The following ATIC variants were observed in gnomAD, a reference collection of about 807,000 sequenced individuals.
ATIC encodes bifunctional purine biosynthesis protein ATIC.
ATIC carries 64 observed loss-of-function variants against 72.5 expected under a neutral mutation model. The ratio of observed to expected loss-of-function variants is 0.88; its 90% confidence interval spans 0.72 to 1.09. ATIC has a LOEUF of 1.09. Among genes scored for constraint, ATIC ranks in the 50% least tolerant of loss-of-function variants. ATIC has a pLI of 0.00. For synonymous variants in ATIC, 281 were observed against 267.1 expected, an observed-to-expected ratio of 1.05 and a Z score of -0.51; for missense variants, 787 against 732.4, an observed-to-expected ratio of 1.07 and a Z score of -0.86.
In ATIC at chr2:215,326,066, G is replaced by C. The variant is rs186545891; in HGVS notation, c.459G>C (p.Val153=). The C allele has an allele frequency of 2.5e-6, 4 of 1,614,120 alleles. No individual in the cohort carries two copies. The highest frequency in any genetic ancestry group is 3.4e-6 in the Non-Finnish European group (4 of 1,180,018). ...TVVCEPEDYV[V]VSTEMQSSES... ...TGTGTGAACCAGAGGACTATGTGGT[G>C]GTGTCCACGGAGATGCAGAGCTCCG... Residue 153 remains valine (V), a synonymous_variant, in exon 6 of 16, where the codon GTG becomes GTC. Coordinates refer to ENST00000236959, the MANE Select transcript of ATIC (RefSeq NM_004044.7).
At chr2:215,335,096 A>G in intron 10 of ATIC, 92 bp downstream of exon 10, 1 of 685,264 alleles carries the variant, frequency 1.5e-6, no homozygotes, top group Non-Finnish European at 2.2e-6. Context: ...TAATATTTAT[A>G]TTTATAATAT....
At chr2:215,331,381 G>GTTTTTT (rs66928848) in intron 7 of ATIC, among the ~76,000 whole-genome samples, 1 of 117,516 alleles carries the variant, frequency 8.5e-6, no homozygotes, top group Non-Finnish European at 1.7e-5. Flanking sequence ...TGTTTTTTGG[G>GTTTTTT]TTTTTTTTTT....
chr2:215,351,348 A>G (rs535876016), downstream of ATIC, among the ~76,000 whole-genome samples: 4 of 152,224 alleles, frequency 2.6e-5, no homozygotes, highest in Admixed American at 6.5e-5. Flanking sequence ...GTTAAGCCAC[A>G]AAGTTCTGGG....
intron 14 of ATIC, chr2:215,347,675 AGTCCTT>A: frequency 2.1e-6 from 1 of 485,586 alleles, no homozygotes; most frequent in Non-Finnish European, 4.1e-6. Context: ...ATGTAACTGA[AGTCCTT>A]AAGATATCTT....
chr2:215,326,809 AC>A lies in ATIC; in HGVS notation c.532-12del, dbSNP rs762963775. The A allele has an allele frequency of 3.7e-6, 6 of 1,613,828 alleles. No individual in the cohort carries two copies. Among genetic ancestry groups the A allele is most frequent in the Non-Finnish European group, 4.2e-6 (5 of 1,179,970 alleles). On this transcript the variant is annotated splice_polypyrimidine_tract_variant and intron_variant, in intron 6 of 15. Coordinates refer to ENST00000236959, the MANE Select transcript of ATIC (RefSeq NM_004044.7). ...GTGCTGCTCGTGTCTCACAAAACTT[AC>A]GCTTTTTGTAGGCATTCACTCATAC...
downstream of ATIC, among the ~76,000 whole-genome samples, chr2:215,352,031 A>G (rs535926308): frequency 1.8e-4 from 27 of 152,334 alleles, no homozygotes; most frequent in East Asian, 5.0e-3. Context: ...AAGATCATCA[A>G]AAAGAGAAGC....
At chr2:215,312,182 C>G (rs776300466) in intron 1 of ATIC, 21 bp downstream of exon 1, 2 of 1,500,638 alleles carry the variant, frequency 1.3e-6, no homozygotes, top group African/African-American at 2.9e-5. Flanking sequence ...AGCGGAGCGG[C>G]GCGGTCTGCG....
intron 2 of ATIC, among the ~76,000 whole-genome samples, chr2:215,315,431 A>T (rs770985455): frequency 2.2e-4 from 34 of 152,226 alleles, no homozygotes; most frequent in Admixed American, 4.6e-4. Flanking sequence ...ATCATGGCTA[A>T]TTGCAGCCTC....
At chr2:215,317,287 A>G (rs1336852199) in intron 2 of ATIC, among the ~76,000 whole-genome samples, 1 of 151,678 alleles carries the variant, frequency 6.6e-6, no homozygotes, top group African/African-American at 2.4e-5. Flanking sequence ...TGTAATCAGA[A>G]CTCTCAATCT....
chr2:215,340,536 CTG>C (rs755262462), intron 12 of ATIC, among the ~76,000 whole-genome samples: 9 of 152,122 alleles, frequency 5.9e-5, no homozygotes, highest in Non-Finnish European at 1.0e-4. Context: ...TATGAAAAAA[CTG>C]TAGCGATATT....
At chr2:215,322,775 T>C (rs2052782857) in intron 4 of ATIC, among the ~76,000 whole-genome samples, 1 of 152,200 alleles carries the variant, frequency 6.6e-6, no homozygotes, top group South Asian at 2.1e-4. Context: ...CTCAGCATCA[T>C]TTGTTGAAAA....
rs977666791 is a variant in ATIC, at chr2:215,328,040, G to A, written c.688+1062G>A. ...AGGTGCGCACCACAATGCCTGGCTAGTTTTTCTGTTTTTAGTAGAGATGGG... is the reference window on the plus strand; with the variant it reads ...AGGTGCGCACCACAATGCCTGGCTAATTTTTCTGTTTTTAGTAGAGATGGG... On this transcript the variant is annotated intron_variant, in intron 7 of 15. Coordinates refer to ENST00000236959, the MANE Select transcript of ATIC (RefSeq NM_004044.7). 3.3e-5 allele frequency among the ~76,000 whole-genome samples: 5 copies of A among 151,934 alleles called. No individual in the cohort carries two copies. In the East Asian group the frequency reaches 9.8e-4, roughly 30 times the overall value.
At chr2:215,314,318 CATTCAGTTGCAGTGGTATTTT>C (rs1191986346) in intron 2 of ATIC, among the ~76,000 whole-genome samples, 5 of 152,204 alleles carry the variant, frequency 3.3e-5, no homozygotes, top group African/African-American at 4.8e-5. Context: ...ACAAAGGCCA[CATTCAGTTGCAGTGGTATTTT>C]ATTCAGTTGC....
intron 7 of ATIC, among the ~76,000 whole-genome samples, chr2:215,331,543 C>T (rs1372565200): frequency 6.6e-6 from 1 of 151,972 alleles, no homozygotes; most frequent in African/African-American, 2.4e-5. Flanking sequence ...CCACCACACC[C>T]AGCTAATTTT....
At position 215,325,975 on chromosome 2, in the gene ATIC, T is replaced by G; in HGVS notation, c.380-12T>G. ...GACATACAAAAATCAATAAGTCTTT[T>G]GTTCTTCAAAGGTGGAGTAACCTTA... is the stretch of plus-strand genomic sequence containing the variant. On this transcript the variant is annotated splice_polypyrimidine_tract_variant and intron_variant, in intron 5 of 15. Transcript: ENST00000236959. 6.2e-7 allele frequency: 1 copy of G among 1,614,030 alleles called. No individual in the cohort carries two copies. Among genetic ancestry groups the G allele is most frequent in the Non-Finnish European group, 8.5e-7 (1 of 1,179,924 alleles).
chr2:215,367,992 A>G, the ATIC span: 1 of 1,614,190 alleles, frequency 6.2e-7, no homozygotes. Flanking sequence ...GGGTCAAAGC[A>G]CGAGTCATCC....
At chr2:215,325,184 C>T (rs1222715666) in intron 4 of ATIC, 57 bp from the exon 5 acceptor site, 1 of 1,331,880 alleles carries the variant, frequency 7.5e-7, no homozygotes, top group Non-Finnish European at 1.1e-6. Context: ...TCCTAGATAG[C>T]TGTAAACCAC....
At chr2:215,343,368 G>A (rs1575124801) in intron 12 of ATIC, among the ~76,000 whole-genome samples, 2 of 151,904 alleles carry the variant, frequency 1.3e-5, no homozygotes, top group East Asian at 1.9e-4. Context: ...ATGAAGTCTC[G>A]CTCTGTCACC....
Position 215,349,224 on chromosome 2 carries a change from G to C in ATIC, c.1634G>C (p.Arg545Pro), listed in dbSNP as rs138166346. Residue 545 changes from arginine to proline, a missense_variant, in exon 15 of 16, where the codon CGA becomes CCA. Coordinates refer to ENST00000236959, the MANE Select transcript of ATIC (RefSeq NM_004044.7). ...AGCTCTGATGCCTTCTTCCCTTTCC[G>C]AGATAACGTAGACAGAGCTAAAAGG... ...SISSDAFFPF[R>P]DNVDRAKRSG... The C allele has an allele frequency of 5.0e-6, 8 of 1,614,006 alleles. No individual in the cohort carries two copies. The highest frequency in any genetic ancestry group is 6.8e-6 in the Non-Finnish European group (8 of 1,180,028).
Sources: allele counts gnomAD v4.1 joint callset (sites outside exome capture counted in the v4.1 genomes callset), GRCh38; gene constraint gnomAD v4.1.1; transcripts MANE v1.5; gene names NCBI Gene and HGNC (gene_info 2026-07-23, HGNC 2026-07-21).